MAGI1: variants seen among roughly 807,000 people sequenced by gnomAD.
MAGI1 encodes membrane associated guanylate kinase, WW and PDZ domain containing 1, also known as membrane-associated guanylate kinase, WW and PDZ domain-containing protein 1.
MAGI1 carries 58 observed loss-of-function variants against 139.9 expected under a neutral mutation model. That is an observed-to-expected ratio of 0.41 (90% CI 0.34 to 0.52). The LOEUF is 0.52. Among genes scored for constraint, MAGI1 ranks in the 20% least tolerant of loss-of-function variants. The pLI, the probability that MAGI1 is intolerant of heterozygous loss-of-function variation, is 0.12. For missense variants in MAGI1, 1,874 were observed against 1,901.6 expected, an observed-to-expected ratio of 0.99 and a Z score of 0.27; for synonymous variants, 812 against 737.9, an observed-to-expected ratio of 1.10 and a Z score of -1.63.
chr3:65,740,569 C>A (rs1012582952), intron 1 of MAGI1, among the ~76,000 whole-genome samples: 5 of 152,208 alleles, frequency 3.3e-5, no homozygotes, highest in African/African-American at 9.6e-5. Context: ...ATTATTTTCA[C>A]ATTTACTGTT....
intron 1 of MAGI1, among the ~76,000 whole-genome samples, chr3:65,633,386 G>C (rs2084422655): frequency 6.6e-6 from 1 of 152,284 alleles, no homozygotes; most frequent in Admixed American, 6.5e-5. Flanking sequence ...AGAAACGTGT[G>C]GTGAGTGTGA....
intron 1 of MAGI1, among the ~76,000 whole-genome samples, chr3:65,870,091 G>A (rs1003136966): frequency 6.6e-6 from 1 of 152,140 alleles, no homozygotes; most frequent in African/African-American, 2.4e-5. Flanking sequence ...AGAGCGATTT[G>A]TTCTACACGG....
rs71102867 is a variant in MAGI1 at position 65,516,718 on chromosome 3, C to CTTTTTTTT, written c.431-23095_431-23088dup. ...GGAAGAAACATAGTACATCCCACCTCTTTTTTTTTTTTTTTTTTTTTTTTT... is the reference window on the plus strand; with the variant it reads ...GGAAGAAACATAGTACATCCCACCTCTTTTTTTTTTTTTTTTTTTTTTTTTTTTTTTTT... On this transcript the variant is annotated intron_variant, in intron 2 of 22. Coordinates refer to ENST00000402939, the MANE Select transcript of MAGI1 (RefSeq NM_001033057.2). Among the ~76,000 whole-genome samples, 268 of 66,994 alleles carry CTTTTTTTT rather than the reference C, an allele frequency of 4.0e-3. 41 individuals are homozygous for CTTTTTTTT. The highest frequency in any genetic ancestry group is 8.3e-3 in the East Asian group (15 of 1,806). 44.0% of individuals were successfully genotyped at this position (66,994 alleles called of 152,430 possible).
At chr3:65,929,610 G>A (rs1317152315) in intron 1 of MAGI1, among the ~76,000 whole-genome samples, 2 of 152,118 alleles carry the variant, frequency 1.3e-5, no homozygotes, top group Non-Finnish European at 2.9e-5. Context: ...TGGGATTACA[G>A]GCGTGAGCCA....
chr3:65,709,743 G>A (rs1266611968), intron 1 of MAGI1, among the ~76,000 whole-genome samples: 1 of 152,168 alleles, frequency 6.6e-6, no homozygotes, highest in Non-Finnish European at 1.5e-5. Flanking sequence ...CTCATTTCAC[G>A]TTTTCACGTT....
intron 6 of MAGI1, 167 bp from the exon 7 acceptor site, chr3:65,448,224 G>C (rs1010025538): frequency 3.0e-6 from 2 of 658,116 alleles, no homozygotes; most frequent in South Asian, 1.8e-5. Context: ...GTAAACTTGC[G>C]ACCTCAGTGT....
At chr3:65,781,338 C>A (rs979591287) in intron 1 of MAGI1, among the ~76,000 whole-genome samples, 3 of 152,136 alleles carry the variant, frequency 2.0e-5, no homozygotes, top group African/African-American at 7.2e-5. Context: ...ATGTGCTAGG[C>A]AGTAGTTGCT....
chr3:65,951,264 C>T (rs2063850540), intron 1 of MAGI1, among the ~76,000 whole-genome samples: 1 of 152,162 alleles, frequency 6.6e-6, no homozygotes, highest in Non-Finnish European at 1.5e-5. Context: ...ACCCTGAGGA[C>T]TTGTCATATA....
intron 1 of MAGI1, among the ~76,000 whole-genome samples, chr3:65,705,766 C>G (rs975781371): frequency 2.0e-5 from 3 of 152,170 alleles, no homozygotes; most frequent in Non-Finnish European, 4.4e-5. Context: ...AAAGTTTGAG[C>G]TCACTAATAT....
chr3:65,565,574 T>C (rs537597693), intron 2 of MAGI1, among the ~76,000 whole-genome samples: 2 of 152,206 alleles, frequency 1.3e-5, no homozygotes, highest in East Asian at 3.9e-4. Flanking sequence ...ACATTGCTTA[T>C]GGTCGGGCAC....
chr3:66,002,437 T>C (rs1245337867), intron 1 of MAGI1, among the ~76,000 whole-genome samples: 1 of 151,790 alleles, frequency 6.6e-6, no homozygotes, highest in Non-Finnish European at 1.5e-5. Context: ...GGGTGGGGGG[T>C]GGTGGTGAAG....
At chr3:66,030,683 T>C (rs1240928312) in intron 1 of MAGI1, among the ~76,000 whole-genome samples, 1 of 152,090 alleles carries the variant, frequency 6.6e-6, no homozygotes, top group Non-Finnish European at 1.5e-5. Flanking sequence ...GATGATCAGG[T>C]GGGCACTAGC....
rs186411096 is a variant in MAGI1 at position 65,804,167 on chromosome 3, G to A, written c.314-182079C>T. 2.0e-3 allele frequency among the ~76,000 whole-genome samples: 300 copies of A among 152,040 alleles called. 1 individual carries two copies. Among genetic ancestry groups the A allele is most frequent in the African/African-American group, 6.9e-3 (288 of 41,458 alleles). On this transcript the variant is annotated intron_variant, in intron 1 of 22. Coordinates refer to ENST00000402939, the MANE Select transcript of MAGI1 (RefSeq NM_001033057.2). Reference sequence around the variant, plus strand: ...AGAACAGAAAAGCATCACACTATTAGCTCCTCCAATGGCCTGGCAGAGACC... The same window carrying A: ...AGAACAGAAAAGCATCACACTATTAACTCCTCCAATGGCCTGGCAGAGACC...
Position 65,847,735 on chromosome 3 carries a change from T to C in MAGI1, c.313+190261A>G, listed in dbSNP as rs140660849. Among the ~76,000 whole-genome samples, 5 of 152,236 alleles carry C rather than the reference T, an allele frequency of 3.3e-5. No homozygotes were observed. The East Asian group carries it at 9.7e-4, about 29-fold the overall frequency. ...TTTATGCTAAGGATGCAGAGATGAT[T>C]TTGTATAAGTTAAATGTGCTTTTGA... is the stretch of plus-strand genomic sequence containing the variant. On this transcript the variant is annotated intron_variant, in intron 1 of 22. Coordinates refer to ENST00000402939, the MANE Select transcript of MAGI1 (RefSeq NM_001033057.2).
In MAGI1 at chr3:66,033,803, GC is replaced by G. The variant is rs1418510399; in HGVS notation, c.313+4192del. Reference sequence around the variant, plus strand: ...ATTTGAAAAACCACAAAATTCACCTGCAAAAATATGTAAGCATGACCTGTAA... The same window carrying G: ...ATTTGAAAAACCACAAAATTCACCTGAAAAATATGTAAGCATGACCTGTAA... On this transcript the variant is annotated intron_variant, in intron 1 of 22. Coordinates refer to ENST00000402939, the MANE Select transcript of MAGI1 (RefSeq NM_001033057.2). Among the ~76,000 whole-genome samples the G allele has an allele frequency of 3.9e-5, 6 of 152,104 alleles. No individual in the cohort carries two copies. In the East Asian group the frequency reaches 1.2e-3, roughly 29 times the overall value.
chr3:65,499,562 G>A (rs1411061428), intron 2 of MAGI1, among the ~76,000 whole-genome samples: 1 of 152,028 alleles, frequency 6.6e-6, no homozygotes, highest in East Asian at 1.9e-4. Context: ...GGCAGAGGTT[G>A]CAGTGAGCTG....
chr3:65,983,785 TACTTA>T (rs2065720099), intron 1 of MAGI1, among the ~76,000 whole-genome samples: 1 of 152,186 alleles, frequency 6.6e-6, no homozygotes, highest in African/African-American at 2.4e-5. Flanking sequence ...TTTGCCAAAT[TACTTA>T]ACTTCTTTAT....
rs142654322 is a variant in MAGI1 at position 65,721,618 on chromosome 3, C to T, written c.314-99530G>A. ...CTTCCTGCTTTAAGAATCATAATCC[C>T]TTGAGGCAAATGGATGCCTCTGGGT... is the stretch of plus-strand genomic sequence containing the variant. On this transcript the variant is annotated intron_variant, in intron 1 of 22. Transcript: ENST00000402939. Among the ~76,000 whole-genome samples the T allele has an allele frequency of 4.4e-3, 674 of 152,258 alleles. 5 individuals are homozygous for T. The highest frequency in any genetic ancestry group is 0.015 in the African/African-American group (635 of 41,532).
intron 1 of MAGI1, among the ~76,000 whole-genome samples, chr3:65,938,260 A>C (rs1030391978): frequency 2.0e-5 from 3 of 149,794 alleles, no homozygotes; most frequent in Admixed American, 1.3e-4. Context: ...AATGTGCTTT[A>C]ATGTAAATGT....
Sources: allele counts gnomAD v4.1 joint callset (sites outside exome capture counted in the v4.1 genomes callset), GRCh38; gene constraint gnomAD v4.1.1; transcripts MANE v1.5; gene names NCBI Gene and HGNC (gene_info 2026-07-23, HGNC 2026-07-21).